The following CHST13 variants were observed in gnomAD, a reference collection of about 807,000 sequenced individuals.
CHST13 encodes carbohydrate sulfotransferase 13, also known as C4ST-3.
In CHST13, 1 loss-of-function variant was observed where a neutral mutation model predicts 7.0. The ratio of observed to expected loss-of-function variants is 0.14; its 90% confidence interval spans 0.05 to 0.68. The LOEUF is 0.68. CHST13 is among the 30% of genes least tolerant of loss of function. The pLI, the probability that CHST13 is intolerant of heterozygous loss-of-function variation, is 0.82. For synonymous variants in CHST13, 257 were observed against 240.9 expected, an observed-to-expected ratio of 1.07 and a Z score of -0.62; for missense variants, 572 against 507.9, an observed-to-expected ratio of 1.13 and a Z score of -1.21.
chr3:126,540,839 G>A (rs1053180115), intron 2 of CHST13, among the ~76,000 whole-genome samples: 1 of 152,216 alleles, frequency 6.6e-6, no homozygotes, highest in Non-Finnish European at 1.5e-5. Flanking sequence ...ACTCGTGAAA[G>A]CTCCAGTTTC....
chr3:126,529,507 T>G (rs1936605812), intron 1 of CHST13: 1 of 713,800 alleles, frequency 1.4e-6, no homozygotes. Flanking sequence ...GCAAGGAAGC[T>G]GTGAGGCCTC....
chr3:126,538,599 C>T (rs1936853255), intron 2 of CHST13, among the ~76,000 whole-genome samples: 1 of 152,224 alleles, frequency 6.6e-6, no homozygotes, highest in South Asian at 2.1e-4. Context: ...GCCGGATGGC[C>T]AACATTCCCT....
At chr3:126,539,165 C>T (rs1936867122) in intron 2 of CHST13, among the ~76,000 whole-genome samples, 1 of 152,100 alleles carries the variant, frequency 6.6e-6, no homozygotes, top group African/African-American at 2.4e-5. Flanking sequence ...CAAGGAACCC[C>T]CACCTTCCCA....
At chr3:126,538,738 G>A (rs115841807) in intron 2 of CHST13, among the ~76,000 whole-genome samples, 4,533 of 152,286 alleles carry the variant, frequency 0.03, 97 homozygotes, top group African/African-American at 0.058. Flanking sequence ...TGGAAACAGG[G>A]TCTCCCAGGT....
chr3:126,542,144 AG>A lies in CHST13; in HGVS notation c.594del (p.Arg198SerfsTer89). On this transcript the variant is annotated frameshift_variant, in exon 3 of 3. Coordinates refer to ENST00000319340, the MANE Select transcript of CHST13 (RefSeq NM_152889.3). LOFTEE classifies it low-confidence loss of function (END_TRUNC). ...GCGCCCCTACAGCGCCGCCTTCCAG[AG>A]GCGCTACGGTGCACGCATCGTTCAG... ...LARPYSAAFQ[R>X]RYGARIVQRL... 1 of 1,560,566 alleles carries A rather than the reference AG, an allele frequency of 6.4e-7. No homozygotes were observed. The highest frequency in any genetic ancestry group is 8.6e-7 in the Non-Finnish European group (1 of 1,158,446).
At chr3:126,536,226 A>C in intron 1 of CHST13, 45 bp from the exon 2 acceptor site, 4 of 1,562,470 alleles carry the variant, frequency 2.6e-6, no homozygotes, top group Non-Finnish European at 3.5e-6. Context: ...GGTCCATGCA[A>C]GTCCCTCTGA....
intron 2 of CHST13, among the ~76,000 whole-genome samples, chr3:126,536,896 A>AACACACACAC (rs10670471): frequency 0.029 from 4,111 of 140,398 alleles, 88 homozygotes; most frequent in African/African-American, 0.054. Context: ...CACACACACA[A>AACACACACAC]ACACACACAC....
intron 1 of CHST13, among the ~76,000 whole-genome samples, chr3:126,533,631 T>C (rs1342914497): frequency 6.6e-6 from 1 of 152,232 alleles, no homozygotes; most frequent in Non-Finnish European, 1.5e-5. Context: ...TTGCCCATAT[T>C]TTTTGAGAAC....
In CHST13 at chr3:126,531,208, C is replaced by G. The variant is rs995948113; in HGVS notation, c.98-5063C>G. 3.9e-5 allele frequency among the ~76,000 whole-genome samples: 6 copies of G among 152,350 alleles called. 1 individual carries two copies. Among genetic ancestry groups the G allele is most frequent in the South Asian group, 4.1e-4 (2 of 4,826 alleles). ...AATGCAGATTCTTGGGCCCCACCCC[C>G]CAACCTACTGGACCAGAAACTCTAG... is the stretch of plus-strand genomic sequence containing the variant. On this transcript the variant is annotated intron_variant, in intron 1 of 2. Transcript: ENST00000319340.
chr3:126,541,684 C>A lies in CHST13; in HGVS notation c.181-49C>A, dbSNP rs757864875. On this transcript the variant is annotated intron_variant, in intron 2 of 2. Transcript: ENST00000319340. ...CCGGGGCAGCGCCAGAGTCAGGGAG[C>A]CCGCGCTGCCCTGACGCGTCCCCCT... The A allele has an allele frequency of 1.2e-5, 16 of 1,374,976 alleles. No individual in the cohort carries two copies. In the South Asian group the frequency reaches 1.7e-4, roughly 15 times the overall value. The allele number at this position is 1,374,976 out of a possible 1,614,324, so 85.2% of individuals were successfully genotyped here. A position where few individuals can be genotyped will look rare whatever the true frequency, so the allele number is the denominator to read the frequency against.
chr3:126,542,934 C>T lies in CHST13; in HGVS notation c.*356C>T, dbSNP rs1181097186. ...CCTGCCCCTGAACCTGTTCATGGTG[C>T]ATCAGAACATAATGCTGACACCGGT... On this transcript the variant is annotated 3_prime_UTR_variant, in exon 3 of 3. Coordinates refer to ENST00000319340, the MANE Select transcript of CHST13 (RefSeq NM_152889.3). The T allele has an allele frequency of 5.6e-6, 1 of 177,768 alleles. No individual in the cohort carries two copies. The highest frequency in any genetic ancestry group is 1.2e-5 in the Non-Finnish European group (1 of 85,538). 11.0% of individuals were successfully genotyped at this position (177,768 alleles called of 1,614,324 possible).
rs540862209 is a variant in CHST13, at chr3:126,524,618, TGCTC to T, written c.97+190_97+193del. On this transcript the variant is annotated intron_variant, in intron 1 of 2. Transcript: ENST00000319340. ...AGACGCCCCCGCGAGCAAAGGCTCT[TGCTC>T]CTCCTCCGGAGTTACCTCCCCACTC... Among the ~76,000 whole-genome samples, 171 of 152,352 alleles carry T rather than the reference TGCTC, an allele frequency of 1.1e-3. No individual in the cohort carries two copies. In the Middle Eastern group the frequency reaches 0.041, roughly 36 times the overall value.
intron 1 of CHST13, among the ~76,000 whole-genome samples, chr3:126,535,207 G>A (rs112085160): frequency 0.12 from 6,370 of 53,336 alleles, 215 homozygotes; most frequent in African/African-American, 0.21. Flanking sequence ...AGACAGCATC[G>A]CTGTCCCCAG....
chr3:126,533,215 C>A (rs1936694716), intron 1 of CHST13, among the ~76,000 whole-genome samples: 1 of 152,040 alleles, frequency 6.6e-6, no homozygotes, highest in African/African-American at 2.4e-5. Flanking sequence ...AACCTGGATG[C>A]CTTTTATTTA....
At chr3:126,530,631 C>G (rs1028123079) in intron 1 of CHST13, among the ~76,000 whole-genome samples, 1 of 152,282 alleles carries the variant, frequency 6.6e-6, no homozygotes, top group Non-Finnish European at 1.5e-5. Flanking sequence ...ACCAGCGGAG[C>G]TCCCCATGGT....
chr3:126,541,756 G>A lies in CHST13; in HGVS notation c.204G>A (p.Lys68=), dbSNP rs2107573599. ...AGGACCCGCGCTCGACCCTGGCGAA[G>A]GTGCACCGGCAGCGGCGCGACCTGC... ...LDQDPRSTLA[K]VHRQRRDLLN... The change falls in exon 3 of 3, where the codon AAG becomes AAA. Residue 68 remains lysine (K), a synonymous_variant. Transcript: ENST00000319340. The A allele has an allele frequency of 8.0e-6, 12 of 1,504,496 alleles. No individual in the cohort carries two copies. The highest frequency in any genetic ancestry group is 1.4e-5 in the African/African-American group (1 of 70,120). 93.2% of individuals were successfully genotyped at this position (1,504,496 alleles called of 1,614,324 possible).
chr3:126,529,337 A>G (rs1172730123), intron 1 of CHST13: 7 of 1,289,214 alleles, frequency 5.4e-6, no homozygotes, highest in Non-Finnish European at 6.1e-6. Context: ...CTGGGCTGGT[A>G]TTTCCTCATG....
rs985752892 is a variant in CHST13 at position 126,542,774 on chromosome 3, G to C, written c.*196G>C. The C allele has an allele frequency of 4.4e-6, 3 of 686,100 alleles. No homozygotes were observed. The highest frequency in any genetic ancestry group is 6.3e-6 in the Non-Finnish European group (3 of 476,578). The allele number at this position is 686,100 out of a possible 1,614,324, so 42.5% of individuals were successfully genotyped here. On this transcript the variant is annotated 3_prime_UTR_variant, in exon 3 of 3. Coordinates refer to ENST00000319340, the MANE Select transcript of CHST13 (RefSeq NM_152889.3). ...ATCTCAGGTGGCCCTGCACGCGTGT[G>C]CCTGCCTCGGCCTGTCGCCTGAGGC...
At chr3:126,534,059 G>A (rs1178934757) in intron 1 of CHST13, among the ~76,000 whole-genome samples, 4 of 152,134 alleles carry the variant, frequency 2.6e-5, no homozygotes, top group African/African-American at 9.7e-5. Context: ...AAGGTCAGTA[G>A]TAACATCCCC....
Sources: allele counts gnomAD v4.1 joint callset (sites outside exome capture counted in the v4.1 genomes callset), GRCh38; gene constraint gnomAD v4.1.1; transcripts MANE v1.5; gene names NCBI Gene and HGNC (gene_info 2026-07-23, HGNC 2026-07-21).